MAP7D2: variants seen among roughly 807,000 people sequenced by gnomAD.
The protein encoded by MAP7D2 is MAP7 domain-containing protein 2.
MAP7D2 carries 33 observed loss-of-function variants against 63.5 expected under a neutral mutation model. The observed-to-expected ratio is 0.52, with a 90% CI of 0.39 to 0.70. MAP7D2 has a LOEUF of 0.70. Among genes scored for constraint, MAP7D2 ranks in the 30% least tolerant of loss-of-function variants. The pLI is 0.00. For missense variants in MAP7D2, 626 were observed against 604.0 expected (o/e 1.04, Z -0.38); for synonymous variants, 224 against 223.7 (o/e 1.00, Z -0.01).
In MAP7D2 at chrX:20,025,665, C is replaced by T. The variant is rs745793643; in HGVS notation, c.1279+16G>A. 21 of 1,207,823 alleles carry T rather than the reference C, an allele frequency of 1.7e-5. No individual in the cohort carries two copies. In the East Asian group the frequency reaches 4.2e-4, roughly 24 times the overall value. On this transcript the variant is annotated intron_variant, in intron 9 of 16. Coordinates refer to ENST00000379643, the MANE Select transcript of MAP7D2 (RefSeq NM_001168465.2). ...GAACCGTCTTGGGAAAGCCAAGGCA[C>T]GGTGGCAGCATCTACCTGCGCTGTT... is the stretch of plus-strand genomic sequence containing the variant.
chrX:20,022,639 G>C (rs377084102), intron 10 of MAP7D2, among the ~76,000 whole-genome samples: 6 of 111,689 alleles, frequency 5.4e-5, no homozygotes, highest in South Asian at 7.6e-4. Flanking sequence ...AGAAGGAAAG[G>C]AAAGAGCTGA....
intron 1 of MAP7D2, among the ~76,000 whole-genome samples, chrX:20,099,235 ACTCTCTCTCTCTCTCT>A (rs72039188): frequency 1.4e-3 from 134 of 93,655 alleles, no homozygotes; most frequent in Admixed American, 2.2e-3. Context: ...GCAAGTTTAT[ACTCTCTCTCTCTCTCT>A]CTCTCTCTCT....
At chrX:20,075,971 T>C (rs1051158252) in intron 1 of MAP7D2, among the ~76,000 whole-genome samples, 3 of 111,249 alleles carry the variant, frequency 2.7e-5, no homozygotes, top group African/African-American at 9.8e-5. Context: ...CGAGCATTTT[T>C]TTGGGTGGGG....
intron 5 of MAP7D2, 77 bp from the exon 6 acceptor site, chrX:20,051,023 T>C: frequency 1.2e-6 from 1 of 854,490 alleles, no homozygotes; most frequent in Non-Finnish European, 1.5e-6. Flanking sequence ...AACAACACAA[T>C]GCATGGTGCA....
chrX:20,012,810 C>G (rs1438415268), intron 14 of MAP7D2, among the ~76,000 whole-genome samples: 1 of 112,065 alleles, frequency 8.9e-6, no homozygotes, highest in Non-Finnish European at 1.9e-5. Flanking sequence ...CCCTGGAAAG[C>G]ACTGTGAGCC....
At position 20,035,891 on chromosome X, in the gene MAP7D2, C is replaced by T. The variant is rs771219592; in HGVS notation, c.1007+6611G>A. Among the ~76,000 whole-genome samples, 14 of 106,196 alleles carry T rather than the reference C, an allele frequency of 1.3e-4. No homozygotes were observed. In the East Asian group the frequency reaches 2.1e-3, roughly 16 times the overall value. The allele number at this position is 106,196 out of a possible 115,157, so 92.2% of individuals were successfully genotyped here. A position where few individuals can be genotyped will look rare whatever the true frequency, so the allele number is the denominator to read the frequency against. Reference sequence around the variant, plus strand: ...TTGCACCGTTGCACTCCAGCCTGGGCGACAGAGCAAGACTCCGTCTCAAAA... The same window carrying T: ...TTGCACCGTTGCACTCCAGCCTGGGTGACAGAGCAAGACTCCGTCTCAAAA... On this transcript the variant is annotated intron_variant, in intron 8 of 16. Transcript: ENST00000379643.
At chrX:20,043,433 T>G (rs904516838) in intron 7 of MAP7D2, among the ~76,000 whole-genome samples, 12 of 112,089 alleles carry the variant, frequency 1.1e-4, no homozygotes, top group African/African-American at 3.9e-4. Flanking sequence ...AGCTTCCCGA[T>G]AGCTTGCTTG....
chrX:20,024,844 T>A lies in MAP7D2; in HGVS notation c.1412+107A>T. The A allele has an allele frequency of 3.3e-6, 3 of 916,026 alleles. No individual in the cohort carries two copies. In the South Asian group the frequency reaches 7.7e-5, roughly 24 times the overall value. The allele number at this position is 916,026 out of a possible 1,213,427, so 75.5% of individuals were successfully genotyped here. A position where few individuals can be genotyped will look rare whatever the true frequency, so the allele number is the denominator to read the frequency against. ...GTTCAGACATTCTAGGTTCCCATAC[T>A]TCTGTTCAAGTTTTATCAATACCAA... On this transcript the variant is annotated intron_variant, in intron 10 of 16. Transcript: ENST00000379643.
At chrX:20,025,217 T>A in intron 9 of MAP7D2, 134 bp from the exon 10 acceptor site, 1 of 741,944 alleles carries the variant, frequency 1.3e-6, no homozygotes, top group Non-Finnish European at 1.9e-6. Flanking sequence ...CCGTCCAGAC[T>A]AGCACAATCG....
In MAP7D2 at chrX:20,043,878, G is replaced by A. The variant is rs763496992; in HGVS notation, c.879+486C>T. Among the ~76,000 whole-genome samples the A allele has an allele frequency of 1.7e-4, 19 of 111,842 alleles. No homozygotes were observed. In the South Asian group the frequency reaches 5.2e-3, roughly 31 times the overall value. On this transcript the variant is annotated intron_variant, in intron 7 of 16. Coordinates refer to ENST00000379643, the MANE Select transcript of MAP7D2 (RefSeq NM_001168465.2). ...CTTGGCATAGTAACATGTGCCTGTAGTCCCAGCTACTCAGGAGGCTGAGGC... is the reference window on the plus strand; with the variant it reads ...CTTGGCATAGTAACATGTGCCTGTAATCCCAGCTACTCAGGAGGCTGAGGC...
At chrX:20,038,879 C>T (rs183519277) in intron 8 of MAP7D2, among the ~76,000 whole-genome samples, 7 of 111,993 alleles carry the variant, frequency 6.3e-5, no homozygotes, top group East Asian at 2.8e-4. Context: ...AAAGAGTATG[C>T]GTGGAATACA....
At chrX:20,089,387 G>A (rs1191341513) in intron 1 of MAP7D2, among the ~76,000 whole-genome samples, 1 of 111,915 alleles carries the variant, frequency 8.9e-6, no homozygotes, top group African/African-American at 3.2e-5. Flanking sequence ...ACCCCTAGAA[G>A]GTTCTCATGA....
chrX:20,080,935 A>G (rs900472977), intron 1 of MAP7D2, among the ~76,000 whole-genome samples: 1 of 112,024 alleles, frequency 8.9e-6, no homozygotes, highest in Non-Finnish European at 1.9e-5. Flanking sequence ...TTCAGGTTAC[A>G]TATCAGGAGA....
chrX:20,022,111 C>A (rs772949773), intron 10 of MAP7D2, among the ~76,000 whole-genome samples: 1 of 111,483 alleles, frequency 9.0e-6, no homozygotes. Context: ...AGGCACAGGG[C>A]CAGAAAAGGT....
intron 1 of MAP7D2, among the ~76,000 whole-genome samples, chrX:20,102,366 T>C (rs2066455987): frequency 9.0e-6 from 1 of 110,856 alleles, no homozygotes; most frequent in African/African-American, 3.3e-5. Flanking sequence ...GGAATGAAGA[T>C]GGCAGACACA....
intron 12 of MAP7D2, 42 bp from the exon 13 acceptor site, chrX:20,013,667 A>G (rs775240871): frequency 1.0e-6 from 1 of 975,223 alleles, no homozygotes; most frequent in Non-Finnish European, 1.4e-6. Flanking sequence ...TAAGAGGACA[A>G]TAAGACCAAA....
At chrX:20,104,439 T>A (rs2066513946) in intron 1 of MAP7D2, among the ~76,000 whole-genome samples, 1 of 112,005 alleles carries the variant, frequency 8.9e-6, no homozygotes. Flanking sequence ...TAGATGGGGT[T>A]ACAGGCGTGC....
At chrX:20,109,519 C>CAA (rs60683453) in intron 1 of MAP7D2, among the ~76,000 whole-genome samples, 55 of 32,625 alleles carry the variant, frequency 1.7e-3, no homozygotes, top group East Asian at 5.3e-3. Context: ...GACTCCGTCT[C>CAA]AAAAAAAAAA....
intron 10 of MAP7D2, among the ~76,000 whole-genome samples, chrX:20,020,499 C>A (rs1010592068): frequency 2.8e-4 from 31 of 111,962 alleles, no homozygotes; most frequent in African/African-American, 9.1e-4. Context: ...AGACCAACAG[C>A]CTTCGTCTTT....
Sources: allele counts gnomAD v4.1 joint callset (sites outside exome capture counted in the v4.1 genomes callset), GRCh38; gene constraint gnomAD v4.1.1; transcripts MANE v1.5; gene names NCBI Gene and HGNC (gene_info 2026-07-23, HGNC 2026-07-21).